TTC9: variants seen among roughly 807,000 people sequenced by gnomAD.
The protein encoded by TTC9 is tetratricopeptide repeat domain 9.
A neutral mutation model predicts 22.9 loss-of-function variants in TTC9; 13 were observed. That is an observed-to-expected ratio of 0.57 (90% CI 0.37 to 0.90). TTC9 has a LOEUF of 0.90. TTC9 is among the 40% of genes least tolerant of loss of function. The pLI, the probability that TTC9 is intolerant of heterozygous loss-of-function variation, is 0.01. For missense variants in TTC9, 280 were observed against 291.8 expected, an observed-to-expected ratio of 0.96 and a Z score of 0.29; for synonymous variants, 148 against 133.2, an observed-to-expected ratio of 1.11 and a Z score of -0.77.
Position 70,671,617 on chromosome 14 carries a change from G to C in TTC9, c.*462G>C, listed in dbSNP as rs543137479. The C allele has an allele frequency of 1.9e-5, 3 of 161,160 alleles. No homozygotes were observed. The South Asian group carries it at 5.4e-4, about 29-fold the overall frequency. The allele number at this position is 161,160 out of a possible 1,614,324, so 10.0% of individuals were successfully genotyped here. On this transcript the variant is annotated 3_prime_UTR_variant, in exon 3 of 3. Transcript: ENST00000256367. The stretch of plus-strand genomic sequence containing the variant: ...GCAACTGTTAGAAATCCAGGGACGA[G>C]ACAAACAGAGAAGCGCTGGTGAAGC...
intron 1 of TTC9, 45 bp downstream of exon 1, chr14:70,642,580 C>T (rs975031432): frequency 6.8e-7 from 1 of 1,462,376 alleles, no homozygotes; most frequent in South Asian, 1.3e-5. Flanking sequence ...CGTTCTTCGG[C>T]CCGGTCCCTC....
chr14:70,651,895 A>T (rs1885989868), intron 1 of TTC9, among the ~76,000 whole-genome samples: 1 of 152,020 alleles, frequency 6.6e-6, no homozygotes, highest in Non-Finnish European at 1.5e-5. Context: ...CATTCCATTC[A>T]TTGGATTTTA....
chr14:70,671,112 T>C lies in TTC9; in HGVS notation c.626T>C (p.Met209Thr), dbSNP rs763507611. Residue 209 changes from methionine (M) to threonine (T), a missense_variant, in exon 3 of 3, where the codon ATG (methionine) becomes ACG (threonine). This residue lies in a region of TTC9 where 22 missense variants were observed against 20.4 expected (regional missense o/e 1.08). Transcript: ENST00000256367. ...NVIRYIQLTE[M>T]KLSRCSQREK... ...ATTCGGTATATCCAGCTGACGGAGA[T>C]GAAACTCAGCCGATGCTCCCAGAGA... The C allele has an allele frequency of 1.2e-6, 2 of 1,613,714 alleles. No individual in the cohort carries two copies. Among genetic ancestry groups the C allele is most frequent in the Non-Finnish European group, 1.7e-6 (2 of 1,179,774 alleles).
chr14:70,642,362 G>A lies in TTC9; in HGVS notation c.233G>A (p.Gly78Asp). Reference protein sequence around the residue: ...YKDKKFREAIGKYHRALLELK... With the variant: ...YKDKKFREAIDKYHRALLELK... ...GACAAGAAATTCCGTGAAGCCATAG[G>A]CAAATACCACCGGGCGTTGCTGGAG... Residue 78 changes from glycine to aspartate, a missense_variant, in exon 1 of 3, where the codon GGC becomes GAC. By Grantham distance (94) the Gly-to-Asp change is moderately conservative (BLOSUM62 -1). Coordinates refer to ENST00000256367, the MANE Select transcript of TTC9 (RefSeq NM_015351.2). 2 of 1,605,228 alleles carry A rather than the reference G, an allele frequency of 1.2e-6. No homozygotes were observed. The highest frequency in any genetic ancestry group is 1.7e-6 in the Non-Finnish European group (2 of 1,176,552).
intron 1 of TTC9, among the ~76,000 whole-genome samples, chr14:70,649,525 T>C (rs1885951123): frequency 6.6e-6 from 1 of 152,202 alleles, no homozygotes; most frequent in Admixed American, 6.5e-5. Flanking sequence ...TTGCCCATGG[T>C]CACATAGTGG....
chr14:70,666,171 C>A (rs1052292705), intron 1 of TTC9, among the ~76,000 whole-genome samples: 3 of 152,132 alleles, frequency 2.0e-5, no homozygotes, highest in Non-Finnish European at 4.4e-5. Flanking sequence ...AATCATTCTT[C>A]AAGGCCATTT....
At chr14:70,670,927 CCT>C in intron 2 of TTC9, 147 bp from the exon 3 acceptor site, 1 of 629,536 alleles carries the variant, frequency 1.6e-6, no homozygotes, top group Non-Finnish European at 2.7e-6. Flanking sequence ...ATCTAGTTGC[CCT>C]CTCAGCCACC....
At chr14:70,642,900 C>CGGGTGGGTCCCAAGGGAGGCCA (rs1885845579) in intron 1 of TTC9, among the ~76,000 whole-genome samples, 1 of 152,164 alleles carries the variant, frequency 6.6e-6, no homozygotes, top group African/African-American at 2.4e-5. Flanking sequence ...CTTTTTCCTG[C>CGGGTGGGTCCCAAGGGAGGCCA]GGGTGGGTCC....
chr14:70,649,584 C>T (rs1885952134), intron 1 of TTC9, among the ~76,000 whole-genome samples: 3 of 152,180 alleles, frequency 2.0e-5, no homozygotes, highest in Admixed American at 6.5e-5. Flanking sequence ...AATTCCAAAG[C>T]CTGCAGTTTT....
chr14:70,642,505 A>G lies in TTC9; in HGVS notation c.376A>G (p.Ile126Val). The change falls in exon 1 of 3, where the codon ATC becomes GTC. Residue 126 changes from isoleucine to valine, a missense_variant. Ile to Val is a conservative substitution (Grantham distance 29). Around this residue, in one of 5 missense-constraint regions of TTC9, gnomAD observed 165 missense variants for 145.4 expected, o/e 1.14. Transcript: ENST00000256367. Reference sequence around the variant, plus strand: ...GGAGCAGAGCAAGACGGTGGAAGCCATCGAGATCGACTGTTACAACAGCCT... The same window carrying G: ...GGAGCAGAGCAAGACGGTGGAAGCCGTCGAGATCGACTGTTACAACAGCCT... ...SEEQSKTVEA[I>V]EIDCYNSLAA... 2 of 1,544,856 alleles carry G rather than the reference A, an allele frequency of 1.3e-6. No homozygotes were observed. The highest frequency in any genetic ancestry group is 1.7e-6 in the Non-Finnish European group (2 of 1,144,540).
chr14:70,655,406 C>CA (rs34595586), intron 1 of TTC9, among the ~76,000 whole-genome samples: 9,096 of 132,048 alleles, frequency 0.069, 460 homozygotes, highest in African/African-American at 0.16. Flanking sequence ...TCTCAAGAAA[C>CA]AAAAAAAAAA....
At position 70,650,091 on chromosome 14, in the gene TTC9, G is replaced by A. The variant is rs540213414; in HGVS notation, c.406+7556G>A. On this transcript the variant is annotated intron_variant, in intron 1 of 2. Transcript: ENST00000256367. ...TCCAGTTAAGAGGTCTTGAGAAATCGAAGTAGAAATGTGAAGAGTAGGAGT... is the reference window on the plus strand; with the variant it reads ...TCCAGTTAAGAGGTCTTGAGAAATCAAAGTAGAAATGTGAAGAGTAGGAGT... Among the ~76,000 whole-genome samples the A allele has an allele frequency of 3.3e-5, 5 of 152,224 alleles. No homozygotes were observed. In the East Asian group the frequency reaches 7.7e-4, roughly 23 times the overall value.
chr14:70,650,861 A>G (rs899357933), intron 1 of TTC9, among the ~76,000 whole-genome samples: 2 of 152,240 alleles, frequency 1.3e-5, no homozygotes, highest in African/African-American at 4.8e-5. Flanking sequence ...GAATAAACAT[A>G]TATGCTAGTA....
At chr14:70,670,228 C>G (rs1180843460) in intron 2 of TTC9, among the ~76,000 whole-genome samples, 2 of 152,218 alleles carry the variant, frequency 1.3e-5, no homozygotes, top group Admixed American at 6.5e-5. Flanking sequence ...TCCTTGGCAT[C>G]TGACTCAATC....
intron 1 of TTC9, among the ~76,000 whole-genome samples, chr14:70,665,755 A>G (rs1886207138): frequency 6.6e-6 from 1 of 152,172 alleles, no homozygotes; most frequent in South Asian, 2.1e-4. Flanking sequence ...CTGGTCTCTT[A>G]AAAAATCTCA....
intron 1 of TTC9, among the ~76,000 whole-genome samples, chr14:70,644,838 T>C (rs4899361): frequency 0.97 from 148,164 of 152,264 alleles, 72,108 homozygotes; most frequent in African/African-American, 0.99. Context: ...TGGGGCTGGG[T>C]GCGGTGGCTC....
At position 70,642,317 on chromosome 14, in the gene TTC9, A is replaced by G. The variant is rs773985516; in HGVS notation, c.188A>G (p.Gln63Arg). 1 of 1,575,142 alleles carries G rather than the reference A, an allele frequency of 6.3e-7. No homozygotes were observed. Among genetic ancestry groups the G allele is most frequent in the East Asian group, 2.4e-5 (1 of 41,520 alleles). Residue 63 changes from glutamine to arginine, a missense_variant, in exon 1 of 3, where the codon CAA (glutamine) becomes CGA (arginine). Physicochemically the swap from Gln to Arg is conservative, Grantham distance 43. Transcript: ENST00000256367. ...LIRRAHEFKS[Q>R]GAQCYKDKKF... ...CGACGAGCGCACGAGTTCAAAAGCC[A>G]AGGGGCGCAGTGCTACAAGGACAAG...
intron 1 of TTC9, among the ~76,000 whole-genome samples, chr14:70,644,669 G>T (rs1885877876): frequency 6.6e-6 from 1 of 152,122 alleles, no homozygotes; most frequent in Admixed American, 6.5e-5. Flanking sequence ...CTCAGGCCTG[G>T]TAACCAGGAG....
chr14:70,667,754 G>A lies in TTC9; in HGVS notation c.589+8G>A, dbSNP rs776005290. The A allele has an allele frequency of 1.4e-5, 22 of 1,575,592 alleles. No individual in the cohort carries two copies. Among genetic ancestry groups the A allele is most frequent in the East Asian group, 1.1e-4 (5 of 44,338 alleles). On this transcript the variant is annotated splice_region_variant and intron_variant, in intron 2 of 2. Coordinates refer to ENST00000256367, the MANE Select transcript of TTC9 (RefSeq NM_015351.2). ...GGACCCAACAACCAACAGGTAAGGC[G>A]GAAATAGCTGTTTTCTTACTTCCTC...
Sources: gnomAD v4.1 joint callset for allele counts (sites outside exome capture counted in the v4.1 genomes callset) on GRCh38, gnomAD v4.1.1 for gene constraint, gnomAD v4.1.1 regional missense constraint, MANE v1.5 for transcripts, NCBI Gene and HGNC (gene_info 2026-07-23, HGNC 2026-07-21) for gene names.